Variants in ENAH observed in about 807,000 individuals in gnomAD.
ENAH encodes ENAH actin regulator, also known as protein enabled homolog.
In ENAH, 23 loss-of-function variants were observed where a neutral mutation model predicts 78.7. The observed-to-expected ratio is 0.29, with a 90% CI of 0.21 to 0.41. The LOEUF is 0.41. ENAH is among the 10% of genes least tolerant of loss of function. ENAH has a pLI of 1.00. For missense variants in ENAH, 544 were observed against 691.0 expected, an observed-to-expected ratio of 0.79 and a Z score of 2.39; for synonymous variants, 226 against 241.0, an observed-to-expected ratio of 0.94 and a Z score of 0.58.
At chr1:225,623,743 G>A (rs1327126289) in intron 1 of ENAH, among the ~76,000 whole-genome samples, 2 of 151,934 alleles carry the variant, frequency 1.3e-5, no homozygotes, top group Admixed American at 6.5e-5. Context: ...CTGCCACCAC[G>A]CCCGGCTAAT....
chr1:225,527,355 C>A (rs2096513149), intron 4 of ENAH, among the ~76,000 whole-genome samples: 1 of 152,034 alleles, frequency 6.6e-6, no homozygotes, highest in South Asian at 2.1e-4. Flanking sequence ...TATAAATAAC[C>A]ACATGAAATA....
intron 4 of ENAH, 59 bp downstream of exon 4, chr1:225,530,495 G>A (rs969209403): frequency 3.0e-6 from 4 of 1,326,508 alleles, no homozygotes; most frequent in African/African-American, 2.9e-5. Flanking sequence ...AACACAGGAT[G>A]TTCAGTTTTG....
intron 6 of ENAH, 132 bp downstream of exon 6, chr1:225,517,064 A>G (rs1013236215): frequency 7.7e-5 from 47 of 613,354 alleles, no homozygotes; most frequent in Non-Finnish European, 1.2e-4. Flanking sequence ...TAAAAAAAAA[A>G]AAAGCATGGC....
Position 225,630,545 on chromosome 1 carries a change from T to G in ENAH, c.5+22141A>C, listed in dbSNP as rs2657562. On this transcript the variant is annotated intron_variant, in intron 1 of 13. Coordinates refer to ENST00000366843, the MANE Select transcript of ENAH (RefSeq NM_018212.6). Reference sequence around the variant, plus strand: ...ATCCAGGAGATGAACAGTTGATATTTGCACAACTATGTGAAACACTCGAAA... The same window carrying G: ...ATCCAGGAGATGAACAGTTGATATTGGCACAACTATGTGAAACACTCGAAA... Among the ~76,000 whole-genome samples, 793 of 152,326 alleles carry G rather than the reference T, an allele frequency of 5.2e-3. 6 individuals are homozygous for G. Among genetic ancestry groups the G allele is most frequent in the African/African-American group, 0.018 (765 of 41,580 alleles).
chr1:225,591,045 A>G (rs1252416195), intron 1 of ENAH, among the ~76,000 whole-genome samples: 3 of 152,236 alleles, frequency 2.0e-5, no homozygotes, highest in East Asian at 1.9e-4. Context: ...TATTAATGCT[A>G]TAACACTTTT....
At chr1:225,610,120 T>C (rs555126399) in intron 1 of ENAH, among the ~76,000 whole-genome samples, 1 of 151,776 alleles carries the variant, frequency 6.6e-6, no homozygotes, top group East Asian at 1.9e-4. Flanking sequence ...GTATTCACAG[T>C]ATATTTAGGG....
At chr1:225,612,017 T>C (rs947033700) in intron 1 of ENAH, among the ~76,000 whole-genome samples, 5 of 152,208 alleles carry the variant, frequency 3.3e-5, no homozygotes, top group African/African-American at 1.2e-4. Context: ...GGAAACCAGT[T>C]TGGCCAGTCC....
In ENAH at chr1:225,555,100, C is replaced by A; in HGVS notation, c.172-17G>T. The A allele has an allele frequency of 2.0e-6, 3 of 1,503,038 alleles. No homozygotes were observed. The highest frequency in any genetic ancestry group is 2.7e-6 in the Non-Finnish European group (3 of 1,105,214). The allele number at this position is 1,503,038 out of a possible 1,614,324, so 93.1% of individuals were successfully genotyped here. On this transcript the variant is annotated splice_polypyrimidine_tract_variant and intron_variant, in intron 2 of 13. Transcript: ENST00000366843. Reference sequence around the variant, plus strand: ...TATCACGACCTAAAAAATAATAATTCTTTATAAAGTCAAACCAATAATTGG... The same window carrying A: ...TATCACGACCTAAAAAATAATAATTATTTATAAAGTCAAACCAATAATTGG...
chr1:225,646,384 G>A (rs865935356), intron 1 of ENAH, among the ~76,000 whole-genome samples: 2 of 151,702 alleles, frequency 1.3e-5, no homozygotes, highest in Admixed American at 6.6e-5. Context: ...TCATCTCCCC[G>A]ACCCCAGGAT....
chr1:225,558,596 T>C (rs1484356822), intron 2 of ENAH, among the ~76,000 whole-genome samples: 1 of 150,630 alleles, frequency 6.6e-6, no homozygotes, highest in Non-Finnish European at 1.5e-5. Flanking sequence ...TCCTCCTTAG[T>C]GTGTTTGCTT....
chr1:225,547,987 G>T (rs1434474061), intron 3 of ENAH, among the ~76,000 whole-genome samples: 1 of 152,110 alleles, frequency 6.6e-6, no homozygotes, highest in Non-Finnish European at 1.5e-5. Flanking sequence ...TACCTCCCCT[G>T]TAAGAGGAGA....
intron 4 of ENAH, among the ~76,000 whole-genome samples, chr1:225,530,249 C>T (rs1410570139): frequency 6.6e-6 from 1 of 152,036 alleles, no homozygotes. Context: ...TTTATAATTA[C>T]AAAAGTAAGA....
intron 1 of ENAH, among the ~76,000 whole-genome samples, chr1:225,617,730 T>C (rs1317352346): frequency 6.6e-6 from 1 of 152,166 alleles, no homozygotes; most frequent in Non-Finnish European, 1.5e-5. Context: ...ATTTTACTAC[T>C]AATGCTTCCA....
chr1:225,512,833 T>G, intron 8 of ENAH, 38 bp downstream of exon 8: 1 of 1,609,848 alleles, frequency 6.2e-7, no homozygotes, highest in Middle Eastern at 1.7e-4. Context: ...TAAAATCCTC[T>G]CAATTCTGGG....
chr1:225,496,402 T>C lies in ENAH; in HGVS notation c.*1373A>G, dbSNP rs1432077263. 2 of 152,274 alleles carry C rather than the reference T, an allele frequency of 1.3e-5. No individual in the cohort carries two copies. Among genetic ancestry groups the C allele is most frequent in the African/African-American group, 4.8e-5 (2 of 41,466 alleles). 9.4% of individuals were successfully genotyped at this position (152,274 alleles called of 1,614,324 possible). On this transcript the variant is annotated 3_prime_UTR_variant, in exon 14 of 14. Coordinates refer to ENST00000366843, the MANE Select transcript of ENAH (RefSeq NM_018212.6). ...AAACTGCAGAACTCCTCATTGGTTTTCCTTTACCTAATGATTTCTGTGACC... is the reference window on the plus strand; with the variant it reads ...AAACTGCAGAACTCCTCATTGGTTTCCCTTTACCTAATGATTTCTGTGACC...
At chr1:225,536,053 G>A (rs141053663) in intron 3 of ENAH, among the ~76,000 whole-genome samples, 7 of 151,980 alleles carry the variant, frequency 4.6e-5, no homozygotes, top group Admixed American at 2.6e-4. Flanking sequence ...CATTATAAAC[G>A]GCACACTGCA....
chr1:225,630,488 C>T (rs1486636776), intron 1 of ENAH, among the ~76,000 whole-genome samples: 1 of 152,104 alleles, frequency 6.6e-6, no homozygotes, highest in Non-Finnish European at 1.5e-5. Context: ...ACAGTCTGGA[C>T]TAAGTTACTA....
At chr1:225,600,273 C>T (rs966873235) in intron 1 of ENAH, among the ~76,000 whole-genome samples, 12 of 151,986 alleles carry the variant, frequency 7.9e-5, no homozygotes, top group African/African-American at 2.4e-4. Context: ...AGACGGAGGC[C>T]GGGAGGATCA....
intron 1 of ENAH, among the ~76,000 whole-genome samples, chr1:225,576,113 G>A (rs2096786448): frequency 6.6e-6 from 1 of 151,702 alleles, no homozygotes; most frequent in South Asian, 2.1e-4. Flanking sequence ...CTACAGAAAT[G>A]AAAAAACTTA....
Sources: allele counts gnomAD v4.1 joint callset (sites outside exome capture counted in the v4.1 genomes callset), GRCh38; gene constraint gnomAD v4.1.1; transcripts MANE v1.5; gene names NCBI Gene and HGNC (gene_info 2026-07-23, HGNC 2026-07-21).